OSTC: variants seen among roughly 807,000 people sequenced by gnomAD.
The protein encoded by OSTC is oligosaccharyltransferase complex non-catalytic subunit.
OSTC carries 16 observed loss-of-function variants against 16.4 expected under a neutral mutation model. That is an observed-to-expected ratio of 0.98 (90% CI 0.66 to 1.49). OSTC has a LOEUF of 1.49. Ranked by LOEUF, OSTC falls within the 40% of genes most tolerant of loss-of-function variation. OSTC has a pLI of 0.00. For synonymous variants in OSTC, 67 were observed against 68.5 expected (o/e 0.98, Z 0.11); for missense variants, 139 against 186.3 (o/e 0.75, Z 1.48).
chr4:108,657,625 G>A lies in OSTC; in HGVS notation c.409G>A (p.Val137Ile), dbSNP rs747234110. The A allele has an allele frequency of 1.2e-6, 2 of 1,612,958 alleles. No individual in the cohort carries two copies. Among genetic ancestry groups the A allele is most frequent in the East Asian group, 4.5e-5 (2 of 44,820 alleles). The change falls in exon 3 of 4, where the codon GTA becomes ATA. Residue 137 changes from valine (V) to isoleucine (I), a missense_variant. Coordinates refer to ENST00000361564, the MANE Select transcript of OSTC (RefSeq NM_021227.4). ...CVLLSFFMARVFMRMKLPGYL... is the reference protein window; with the variant it reads ...CVLLSFFMARIFMRMKLPGYL... ...CCTATTGAGTTTTTTCATGGCTAGAGTATTCATGAGAATGAAACTGCCGTA... is the reference window on the plus strand; with the variant it reads ...CCTATTGAGTTTTTTCATGGCTAGAATATTCATGAGAATGAAACTGCCGTA...
In OSTC at chr4:108,650,605, C is replaced by T; in HGVS notation, c.-51C>T. The T allele has an allele frequency of 6.2e-7, 1 of 1,604,868 alleles. No homozygotes were observed. Among genetic ancestry groups the T allele is most frequent in the Non-Finnish European group, 8.5e-7 (1 of 1,174,348 alleles). On this transcript the variant is annotated 5_prime_UTR_variant, in exon 1 of 4. Transcript: ENST00000361564. ...CTTGTTAGGGAGGGCGGGCCTGTTTCCGGGAGGCGCGTGGGGCTTGAGGCC... is the reference window on the plus strand; with the variant it reads ...CTTGTTAGGGAGGGCGGGCCTGTTTTCGGGAGGCGCGTGGGGCTTGAGGCC...
intron 3 of OSTC, chr4:108,663,243 G>T (rs761197475): frequency 8.8e-6 from 4 of 455,196 alleles, no homozygotes; most frequent in African/African-American, 4.0e-5. Context: ...ACGGAGTCTC[G>T]CTCTGTTGCC....
At chr4:108,663,649 C>G (rs1273772556) in intron 3 of OSTC, among the ~76,000 whole-genome samples, 1 of 152,168 alleles carries the variant, frequency 6.6e-6, no homozygotes, top group South Asian at 2.1e-4. Context: ...GAGCAAACGA[C>G]TTAATTGCTG....
At chr4:108,652,906 G>A (rs1726594072) in intron 1 of OSTC, among the ~76,000 whole-genome samples, 1 of 152,124 alleles carries the variant, frequency 6.6e-6, no homozygotes, top group Non-Finnish European at 1.5e-5. Context: ...AGGCGTGGTG[G>A]TACACGCCTG....
chr4:108,663,757 T>G (rs781244659), intron 3 of OSTC, among the ~76,000 whole-genome samples: 3 of 152,242 alleles, frequency 2.0e-5, no homozygotes, highest in Non-Finnish European at 2.9e-5. Flanking sequence ...TGGTAGTGTT[T>G]TGAGAAGCTT....
At chr4:108,654,017 A>T (rs1726630400) in intron 1 of OSTC, among the ~76,000 whole-genome samples, 1 of 152,184 alleles carries the variant, frequency 6.6e-6, no homozygotes, top group Admixed American at 6.5e-5. Context: ...ATAAAAGAAG[A>T]GGCCCAATAG....
intron 3 of OSTC, among the ~76,000 whole-genome samples, chr4:108,666,496 G>C (rs75108036): frequency 0.14 from 20,845 of 151,646 alleles, 1,621 homozygotes; most frequent in Non-Finnish European, 0.18. Context: ...GATTAACTGA[G>C]GTCGGGCATT....
intron 3 of OSTC, 36 bp from the exon 4 acceptor site, chr4:108,667,210 CT>C: frequency 6.3e-7 from 1 of 1,576,774 alleles, no homozygotes; most frequent in East Asian, 2.3e-5. Flanking sequence ...AAAAACAATT[CT>C]TTTCACTTTT....
At position 108,657,566 on chromosome 4, in the gene OSTC, G is replaced by GAA. The variant is rs1342910031; in HGVS notation, c.351_352insAA (p.Phe118AsnfsTer14). ...GCACCAAATATCCCAAAACTCAATA[G>GAA]ATTCCTTCTTCTGTTCATTGGATTC... On this transcript the variant is annotated frameshift_variant, in exon 3 of 4. Transcript: ENST00000361564. LOFTEE classifies it high-confidence loss of function. The GAA allele has an allele frequency of 1.2e-6, 2 of 1,613,562 alleles. No individual in the cohort carries two copies. Among genetic ancestry groups the GAA allele is most frequent in the African/African-American group, 2.7e-5 (2 of 74,892 alleles).
rs755790618 is a variant in OSTC, at chr4:108,650,776, T to TA, written c.122dup (p.Tyr41Ter). 1 of 1,614,176 alleles carries TA rather than the reference T, an allele frequency of 6.2e-7. No homozygotes were observed. The highest frequency in any genetic ancestry group is 1.1e-5 in the South Asian group (1 of 91,084). Residue 41 changes from tyrosine (Y) to a stop codon, truncating the protein, a stop_gained and frameshift_variant, in exon 1 of 4, where the codon TAC (tyrosine) becomes TAAC (stop). Transcript: ENST00000361564. LOFTEE classifies it high-confidence loss of function. Reference protein sequence around the residue: ...MTVYALVVVSYFLITGGIIYD... With the variant: ...MTVYALVVVS ...TGTGTATGCTCTGGTGGTGGTGTCT[T>TA]ACTTCCTCATCACCGGAGGTAACTC... is the stretch of plus-strand genomic sequence containing the variant.
At chr4:108,654,025 TAGAG>T in intron 1 of OSTC, among the ~76,000 whole-genome samples, 1 of 152,044 alleles carries the variant, frequency 6.6e-6, no homozygotes, top group Non-Finnish European at 1.5e-5. Context: ...AGAGGCCCAA[TAGAG>T]AGGTAGCAAG....
intron 1 of OSTC, chr4:108,652,162 G>T (rs1441490219): frequency 6.6e-6 from 1 of 151,954 alleles, no homozygotes; most frequent in African/African-American, 2.4e-5. Flanking sequence ...GCTCGCTTCG[G>T]CAGCACATAT....
chr4:108,652,239 G>A (rs939509953), intron 1 of OSTC: 20 of 152,096 alleles, frequency 1.3e-4, no homozygotes, highest in African/African-American at 4.3e-4. Context: ...GCAAATTCGT[G>A]AAGCGTTCCA....
At position 108,667,364 on chromosome 4, in the gene OSTC, GA is replaced by G; in HGVS notation, c.*101del. Reference sequence around the variant, plus strand: ...TCTAATATGAAATGTGGAAAAGAATGAAGAGCAGCAGTAAAAGAAATATCTA... The same window carrying G: ...TCTAATATGAAATGTGGAAAAGAATGAGAGCAGCAGTAAAAGAAATATCTA... On this transcript the variant is annotated 3_prime_UTR_variant, in exon 4 of 4. Coordinates refer to ENST00000361564, the MANE Select transcript of OSTC (RefSeq NM_021227.4). 1.0e-6 allele frequency: 1 copy of G among 986,892 alleles called. No individual in the cohort carries two copies. The highest frequency in any genetic ancestry group is 1.5e-6 in the Non-Finnish European group (1 of 658,150). The allele number at this position is 986,892 out of a possible 1,614,324, so 61.1% of individuals were successfully genotyped here.
chr4:108,665,590 A>T (rs1578344041), intron 3 of OSTC, among the ~76,000 whole-genome samples: 3 of 132,502 alleles, frequency 2.3e-5, no homozygotes, highest in Non-Finnish European at 3.1e-5. Context: ...ATGGAGTTTC[A>T]CTCTGTTTGC....
chr4:108,656,458 C>G (rs1477954855), intron 2 of OSTC, among the ~76,000 whole-genome samples: 1 of 124,536 alleles, frequency 8.0e-6, no homozygotes, highest in Non-Finnish European at 1.5e-5. Context: ...AAACAATTGA[C>G]CAAAAAAAAA....
chr4:108,650,920 G>A (rs1578335352), intron 1 of OSTC, 126 bp downstream of exon 1: 1 of 1,379,882 alleles, frequency 7.2e-7, no homozygotes, highest in South Asian at 1.4e-5. Context: ...TTTTCTGAGG[G>A]TGGAGGGGAG....
Position 108,657,546 on chromosome 4 carries a change from A to G in OSTC, c.330A>G (p.Pro110=). 2 of 1,613,774 alleles carry G rather than the reference A, an allele frequency of 1.2e-6. No individual in the cohort carries two copies. The highest frequency in any genetic ancestry group is 1.7e-6 in the Non-Finnish European group (2 of 1,179,730). ...GFIILDRSNA[P]NIPKLNRFLL... is the part of the protein sequence containing the mutation. ...TAATCCTGGACCGATCGAATGCACCAAATATCCCAAAACTCAATAGATTCC... is the reference window on the plus strand; with the variant it reads ...TAATCCTGGACCGATCGAATGCACCGAATATCCCAAAACTCAATAGATTCC... The change falls in exon 3 of 4, where the codon CCA becomes CCG. Residue 110 remains proline (P), a synonymous_variant. Coordinates refer to ENST00000361564, the MANE Select transcript of OSTC (RefSeq NM_021227.4).
intron 1 of OSTC, chr4:108,651,353 G>C (rs1243841948): frequency 6.6e-6 from 1 of 152,426 alleles, no homozygotes; most frequent in East Asian, 1.9e-4. Context: ...AATATCAATG[G>C]AATTTTCTGA....
Sources: allele counts gnomAD v4.1 joint callset (sites outside exome capture counted in the v4.1 genomes callset), GRCh38; gene constraint gnomAD v4.1.1; transcripts MANE v1.5; gene names NCBI Gene and HGNC (gene_info 2026-07-23, HGNC 2026-07-21).